Variants in EPHA6 observed in about 807,000 individuals in gnomAD.
EPHA6 encodes EPH receptor A6, also known as ephrin type-A receptor 6.
A neutral mutation model predicts 112.0 loss-of-function variants in EPHA6; 50 were observed. The ratio of observed to expected loss-of-function variants is 0.45; its 90% confidence interval spans 0.36 to 0.56. The LOEUF is 0.56. Ranked by LOEUF, EPHA6 falls within the 20% of genes least tolerant of loss-of-function variation. The probability of loss-of-function intolerance (pLI) is 0.00; values close to 1 mark genes in which losing one functional copy is unlikely to be tolerated. For synonymous variants in EPHA6, 529 were observed against 490.7 expected (o/e 1.08, Z -1.03); for missense variants, 1,280 against 1,417.4 (o/e 0.90, Z 1.56).
At chr3:97,014,290 T>C (rs995939309) in intron 3 of EPHA6, among the ~76,000 whole-genome samples, 3 of 151,976 alleles carry the variant, frequency 2.0e-5, no homozygotes, top group African/African-American at 4.8e-5. Context: ...AGAATTTTAC[T>C]TCCTTCCTTC....
At chr3:97,035,243 TC>T (rs2045043358) in intron 3 of EPHA6, among the ~76,000 whole-genome samples, 1 of 151,956 alleles carries the variant, frequency 6.6e-6, no homozygotes, top group African/African-American at 2.4e-5. Flanking sequence ...TTTATCTAAC[TC>T]CTCTCAGCTC....
At chr3:97,524,057 T>G (rs2092583749) in intron 10 of EPHA6, among the ~76,000 whole-genome samples, 1 of 152,072 alleles carries the variant, frequency 6.6e-6, no homozygotes, top group South Asian at 2.1e-4. Context: ...GACATTATTT[T>G]AACTGTAGAC....
chr3:97,132,519 A>G (rs1310414547), intron 3 of EPHA6, among the ~76,000 whole-genome samples: 2 of 152,052 alleles, frequency 1.3e-5, no homozygotes, highest in Admixed American at 1.3e-4. Context: ...GATGATATTT[A>G]AGGAGTTATT....
At chr3:97,375,197 A>G (rs1005851126) in intron 5 of EPHA6, among the ~76,000 whole-genome samples, 3 of 152,136 alleles carry the variant, frequency 2.0e-5, no homozygotes, top group Non-Finnish European at 4.4e-5. Context: ...CCTATTACAA[A>G]GGGCTTTCTT....
chr3:97,198,577 A>G (rs2077499907), intron 3 of EPHA6, among the ~76,000 whole-genome samples: 1 of 152,180 alleles, frequency 6.6e-6, no homozygotes, highest in African/African-American at 2.4e-5. Flanking sequence ...GGGATAAGGT[A>G]CAATTAGTGA....
intron 14 of EPHA6, among the ~76,000 whole-genome samples, chr3:97,683,762 C>T (rs556667516): frequency 3.9e-5 from 6 of 152,244 alleles, no homozygotes; most frequent in South Asian, 2.1e-4. Context: ...CTTCTGTATT[C>T]GGTTTAGCTC....
intron 7 of EPHA6, among the ~76,000 whole-genome samples, chr3:97,462,782 A>C (rs914571797): frequency 1.3e-5 from 2 of 152,184 alleles, no homozygotes; most frequent in African/African-American, 4.8e-5. Flanking sequence ...GAGCATAATA[A>C]CTGAAAAGAA....
intron 3 of EPHA6, among the ~76,000 whole-genome samples, chr3:97,066,249 C>T (rs1237678824): frequency 6.6e-6 from 1 of 151,728 alleles, no homozygotes; most frequent in Non-Finnish European, 1.5e-5. Flanking sequence ...CCTATTTTTC[C>T]AGGAACTTCT....
intron 5 of EPHA6, among the ~76,000 whole-genome samples, chr3:97,351,193 G>A (rs532785197): frequency 6.6e-6 from 1 of 152,208 alleles, no homozygotes; most frequent in East Asian, 1.9e-4. Context: ...AGTTGATACA[G>A]TGGAAATGGG....
At chr3:97,155,484 T>G (rs2076268431) in intron 3 of EPHA6, among the ~76,000 whole-genome samples, 1 of 152,202 alleles carries the variant, frequency 6.6e-6, no homozygotes, top group African/African-American at 2.4e-5. Context: ...TTGTTGCAGT[T>G]GCATAACAGA....
Position 97,522,497 on chromosome 3 carries a change from G to C in EPHA6, c.2201-9861G>C, listed in dbSNP as rs138172332. ...TCATCTACCTTCATCAAGGATATAG[G>C]CTTGTAGTTCTGTTTTTTTATATTG... On this transcript the variant is annotated intron_variant, in intron 10 of 17. Transcript: ENST00000389672. 2.0e-5 allele frequency among the ~76,000 whole-genome samples: 3 copies of C among 152,066 alleles called. No individual in the cohort carries two copies. The East Asian group carries it at 5.8e-4, about 29-fold the overall frequency.
chr3:97,583,565 T>C (rs768670275), intron 11 of EPHA6, among the ~76,000 whole-genome samples: 1 of 151,570 alleles, frequency 6.6e-6, no homozygotes, highest in African/African-American at 2.4e-5. Flanking sequence ...AGAAATACTT[T>C]GGTGTAACTC....
chr3:97,718,365 T>G (rs1321825594), intron 14 of EPHA6, among the ~76,000 whole-genome samples: 2 of 152,178 alleles, frequency 1.3e-5, no homozygotes, highest in Non-Finnish European at 2.9e-5. Context: ...CATTTCTGAA[T>G]TTTTTTAGTG....
chr3:97,108,525 T>A (rs921906751), intron 3 of EPHA6, among the ~76,000 whole-genome samples: 5 of 152,270 alleles, frequency 3.3e-5, no homozygotes, highest in African/African-American at 1.2e-4. Context: ...ACACAATACT[T>A]ACGTCAAAAT....
chr3:97,226,435 T>G lies in EPHA6; in HGVS notation c.1270+16T>G, dbSNP rs747423146. 6.3e-7 allele frequency: 1 copy of G among 1,582,414 alleles called. No individual in the cohort carries two copies. The highest frequency in any genetic ancestry group is 1.4e-5 in the African/African-American group (1 of 73,238). On this transcript the variant is annotated intron_variant, in intron 4 of 17. Transcript: ENST00000389672. Reference sequence around the variant, plus strand: ...GCATGTACCAGTAAGTCTATACATTTTGGATTTGGAAATTCTGTTTCCAAC... The same window carrying G: ...GCATGTACCAGTAAGTCTATACATTGTGGATTTGGAAATTCTGTTTCCAAC...
chr3:97,258,758 A>G (rs909635308), intron 5 of EPHA6, among the ~76,000 whole-genome samples: 3 of 152,170 alleles, frequency 2.0e-5, no homozygotes, highest in Non-Finnish European at 2.9e-5. Context: ...CAGTTAAGTT[A>G]TTTAATCTCT....
At position 97,760,372 on chromosome 3, in the gene EPHA6, A is replaced by ATATTCT. The variant is rs2036129659; in HGVS notation, c.*11674_*11675insTCTTAT. The ATATTCT allele has an allele frequency of 6.3e-6, 1 of 159,746 alleles. No individual in the cohort carries two copies. Among genetic ancestry groups the ATATTCT allele is most frequent in the Admixed American group, 6.7e-5 (1 of 15,022 alleles). The allele number at this position is 159,746 out of a possible 1,614,324, so 9.9% of individuals were successfully genotyped here. A position where few individuals can be genotyped will look rare whatever the true frequency, so the allele number is the denominator to read the frequency against. On this transcript the variant is annotated 3_prime_UTR_variant, in exon 18 of 18. Coordinates refer to ENST00000389672, the MANE Select transcript of EPHA6 (RefSeq NM_001080448.3). Reference sequence around the variant, plus strand: ...TATATTATATATATGTATATATACCATATGTATATATACATATGTATGTGT... The same window carrying ATATTCT: ...TATATTATATATATGTATATATACCATATTCTTATGTATATATACATATGTATGTGT...
chr3:97,054,058 C>G (rs1408595537), intron 3 of EPHA6, among the ~76,000 whole-genome samples: 1 of 151,702 alleles, frequency 6.6e-6, no homozygotes, highest in Non-Finnish European at 1.5e-5. Context: ...AGGTAGTAAC[C>G]AACACCTAGG....
intron 3 of EPHA6, among the ~76,000 whole-genome samples, chr3:97,094,568 T>C (rs113662224): frequency 0.013 from 1,979 of 152,290 alleles, 46 homozygotes; most frequent in African/African-American, 0.044. Context: ...CAGCTATTTA[T>C]CTTGAGTTAT....
Sources: allele counts gnomAD v4.1 joint callset (sites outside exome capture counted in the v4.1 genomes callset), GRCh38; gene constraint gnomAD v4.1.1; transcripts MANE v1.5; gene names NCBI Gene and HGNC (gene_info 2026-07-23, HGNC 2026-07-21).